The following GALNT13 variants were observed in gnomAD, a reference collection of about 807,000 sequenced individuals.
GALNT13 encodes UDP-GalNAc:polypeptide N-acetylgalactosaminyltransferase 13.
Under a neutral mutation model 64.2 loss-of-function variants are expected in GALNT13, and 28 were observed. The observed-to-expected ratio is 0.44, with a 90% CI of 0.32 to 0.60. The LOEUF (loss-of-function observed/expected upper bound fraction) is 0.60, where lower values mean the gene tolerates loss of function less well. Among genes scored for constraint, GALNT13 ranks in the 20% least tolerant of loss-of-function variants. GALNT13 has a pLI of 0.05. For missense variants in GALNT13, 577 were observed against 669.8 expected (o/e 0.86, Z 1.53); for synonymous variants, 214 against 224.6 (o/e 0.95, Z 0.42).
At chr2:153,572,997 G>T in the GALNT13 span, among the ~76,000 whole-genome samples, 1 of 151,772 alleles carries the variant, frequency 6.6e-6, no homozygotes, top group Non-Finnish European at 1.5e-5. Flanking sequence ...TTTCTATATT[G>T]ATTTTCTGTC....
chr2:153,302,329 T>A, the GALNT13 span, among the ~76,000 whole-genome samples: 2 of 152,182 alleles, frequency 1.3e-5, no homozygotes, highest in African/African-American at 4.8e-5. Context: ...TTTTACATAC[T>A]TGTTAACTAT....
chr2:154,033,467 A>G (rs886361366), intron 3 of GALNT13, among the ~76,000 whole-genome samples: 5 of 152,092 alleles, frequency 3.3e-5, no homozygotes, highest in African/African-American at 7.2e-5. Context: ...CAACTCAATA[A>G]TAATTAAAAA....
At chr2:153,561,104 T>C in the GALNT13 span, among the ~76,000 whole-genome samples, 4 of 152,028 alleles carry the variant, frequency 2.6e-5, no homozygotes, top group East Asian at 7.7e-4. Context: ...GCTAAGTCTA[T>C]TGATTTGGAG....
chr2:153,764,857 C>A, the GALNT13 span, among the ~76,000 whole-genome samples: 1 of 152,182 alleles, frequency 6.6e-6, no homozygotes, highest in Non-Finnish European at 1.5e-5. Flanking sequence ...TCACATCCAG[C>A]CATAGCAAAA....
chr2:153,994,126 T>G (rs1695354581), intron 3 of GALNT13, among the ~76,000 whole-genome samples: 1 of 152,162 alleles, frequency 6.6e-6, no homozygotes, highest in Admixed American at 6.5e-5. Flanking sequence ...CCAAGTGTTC[T>G]CATTGTTCAA....
At chr2:154,112,596 T>C (rs1230844667) in intron 3 of GALNT13, among the ~76,000 whole-genome samples, 1 of 152,208 alleles carries the variant, frequency 6.6e-6, no homozygotes, top group African/African-American at 2.4e-5. Flanking sequence ...TGACAGCCCA[T>C]GAATCAGCAT....
At chr2:154,097,578 G>C (rs1356451566) in intron 3 of GALNT13, among the ~76,000 whole-genome samples, 3 of 151,784 alleles carry the variant, frequency 2.0e-5, no homozygotes, top group Non-Finnish European at 4.4e-5. Flanking sequence ...CTTTGGTAAT[G>C]ATTTAATTAT....
At chr2:153,571,515 TG>T in the GALNT13 span, among the ~76,000 whole-genome samples, 2 of 152,096 alleles carry the variant, frequency 1.3e-5, no homozygotes, top group African/African-American at 4.8e-5. Context: ...TGAGCATCCT[TG>T]TCATGTTCCA....
At chr2:153,844,445 C>T in the GALNT13 span, among the ~76,000 whole-genome samples, 2 of 152,154 alleles carry the variant, frequency 1.3e-5, no homozygotes, top group Non-Finnish European at 2.9e-5. Flanking sequence ...ATAGCAGGGC[C>T]CTGGACCAGG....
intron 11 of GALNT13, among the ~76,000 whole-genome samples, chr2:154,431,161 A>G (rs1240311272): frequency 6.6e-6 from 1 of 152,196 alleles, no homozygotes. Flanking sequence ...GATTAAAAAA[A>G]GGAAAGAAAG....
the GALNT13 span, among the ~76,000 whole-genome samples, chr2:153,282,432 A>G: frequency 2.6e-5 from 4 of 152,062 alleles, no homozygotes; most frequent in African/African-American, 7.2e-5. Context: ...CTTTTTAAGG[A>G]TCACAGGGTC....
In GALNT13 at chr2:154,247,397, C is replaced by T. The variant is rs567451512; in HGVS notation, c.857+1415C>T. Among the ~76,000 whole-genome samples, 41 of 151,844 alleles carry T rather than the reference C, an allele frequency of 2.7e-4. No homozygotes were observed. The South Asian group carries it at 5.6e-3, about 21-fold the overall frequency. On this transcript the variant is annotated intron_variant, in intron 7 of 12. Coordinates refer to ENST00000392825, the MANE Select transcript of GALNT13 (RefSeq NM_052917.4). Reference sequence around the variant, plus strand: ...TAGCTGATTTTTAAACTTTAGATTCCGAGTGAAAACTATCAGAATGCTTGA... The same window carrying T: ...TAGCTGATTTTTAAACTTTAGATTCTGAGTGAAAACTATCAGAATGCTTGA...
At chr2:153,441,666 C>T in the GALNT13 span, among the ~76,000 whole-genome samples, 1 of 152,134 alleles carries the variant, frequency 6.6e-6, no homozygotes, top group East Asian at 1.9e-4. Flanking sequence ...TCCTTCACAT[C>T]CCTTTAAGTA....
chr2:153,780,380 A>G, the GALNT13 span, among the ~76,000 whole-genome samples: 6 of 151,784 alleles, frequency 4.0e-5, no homozygotes, highest in Non-Finnish European at 5.9e-5. Context: ...TGGGCTGCTG[A>G]TCCCTCAATG....
chr2:154,294,678 A>G (rs1574035741), intron 8 of GALNT13, among the ~76,000 whole-genome samples: 1 of 152,186 alleles, frequency 6.6e-6, no homozygotes, highest in Non-Finnish European at 1.5e-5. Flanking sequence ...TTTGTTTCAT[A>G]ACTCAATGAC....
the GALNT13 span, among the ~76,000 whole-genome samples, chr2:153,179,002 CA>C: frequency 0.012 from 1,844 of 152,150 alleles, 20 homozygotes; most frequent in Non-Finnish European, 0.018. Context: ...CTCGGCCTCC[CA>C]AAGTGCTGGG....
chr2:153,723,660 A>G, the GALNT13 span, among the ~76,000 whole-genome samples: 2 of 152,196 alleles, frequency 1.3e-5, no homozygotes, highest in Non-Finnish European at 1.5e-5. Context: ...TACACCAACA[A>G]CAAACAAACA....
chr2:153,726,941 A>AT, the GALNT13 span, among the ~76,000 whole-genome samples: 1 of 136,952 alleles, frequency 7.3e-6, no homozygotes, highest in Non-Finnish European at 1.5e-5. Context: ...CTCCATCTCA[A>AT]AAAAAAAAAA....
the GALNT13 span, among the ~76,000 whole-genome samples, chr2:153,526,587 A>G: frequency 6.6e-6 from 1 of 152,188 alleles, no homozygotes; most frequent in Non-Finnish European, 1.5e-5. Flanking sequence ...ATGGAAACAA[A>G]CAAGTCCAGA....
Sources: allele counts gnomAD v4.1 joint callset (sites outside exome capture counted in the v4.1 genomes callset), GRCh38; gene constraint gnomAD v4.1.1; transcripts MANE v1.5; gene names NCBI Gene and HGNC (gene_info 2026-07-23, HGNC 2026-07-21).